The following CCND3 variants were observed in gnomAD, a reference collection of about 807,000 sequenced individuals.
CCND3 encodes the protein G1/S-specific cyclin-D3.
CCND3 carries 9 observed loss-of-function variants against 28.7 expected under a neutral mutation model. That is an observed-to-expected ratio of 0.31 (90% CI 0.19 to 0.55). The LOEUF (loss-of-function observed/expected upper bound fraction) is 0.55, where lower values mean the gene tolerates loss of function less well. Ranked by LOEUF, CCND3 falls within the 20% of genes least tolerant of loss-of-function variation. The probability of loss-of-function intolerance (pLI) is 0.93; values close to 1 mark genes in which losing one functional copy is unlikely to be tolerated. For missense variants in CCND3, 315 were observed against 385.8 expected (o/e 0.82, Z 1.54); for synonymous variants, 164 against 163.9 (o/e 1.00, Z 0.00).
At chr6:41,959,955 C>CA (rs35369393) in intron 1 of CCND3, among the ~76,000 whole-genome samples, 100,441 of 140,258 alleles carry the variant, frequency 0.72, 35,247 homozygotes, top group Middle Eastern at 0.8. Context: ...GACTCCGTCT[C>CA]AAAAAAAAAA....
intron 1 of CCND3, among the ~76,000 whole-genome samples, chr6:41,947,808 C>T (rs1776207573): frequency 6.6e-6 from 1 of 152,130 alleles, no homozygotes; most frequent in Admixed American, 6.6e-5. Flanking sequence ...ACCTGGATTA[C>T]AGTGGTAGCC....
At position 41,941,199 on chromosome 6, in the gene CCND3, C is replaced by T; in HGVS notation, c.198+253G>A. On this transcript the variant is annotated intron_variant, in intron 1 of 4. Coordinates refer to ENST00000372991, the MANE Select transcript of CCND3 (RefSeq NM_001760.5). This position sits in a 1 kb window ranked among gnomAD's most constrained non-coding sequence, Gnocchi z 6.1. ...GAAGGGGAGAGAGTGTCCTTGGTCC[C>T]GTTTGCTCGGCCCGAAGAGAGGCAC... is the stretch of plus-strand genomic sequence containing the variant. 2.1e-6 allele frequency: 3 copies of T among 1,437,522 alleles called. No homozygotes were observed. The highest frequency in any genetic ancestry group is 1.5e-5 in the South Asian group (1 of 67,540). 89.0% of individuals were successfully genotyped at this position (1,437,522 alleles called of 1,614,324 possible).
Position 41,936,193 on chromosome 6 carries a change from A to C in CCND3, c.712-86T>G. The C allele has an allele frequency of 1.4e-6, 2 of 1,422,894 alleles. No individual in the cohort carries two copies. The highest frequency in any genetic ancestry group is 1.9e-6 in the Non-Finnish European group (2 of 1,058,730). The allele number at this position is 1,422,894 out of a possible 1,614,324, so 88.1% of individuals were successfully genotyped here. On this transcript the variant is annotated intron_variant, in intron 4 of 4. Coordinates refer to ENST00000372991, the MANE Select transcript of CCND3 (RefSeq NM_001760.5). The surrounding 1 kb of genome is among the most constrained non-coding windows in gnomAD (Gnocchi z 4.4). Reference sequence around the variant, plus strand: ...GCAGGGGAAGGACAGCTCCCAACACATGGGGAAGTCTGGGGAGGTTAGGCC... The same window carrying C: ...GCAGGGGAAGGACAGCTCCCAACACCTGGGGAAGTCTGGGGAGGTTAGGCC...
chr6:42,028,038 C>T (rs1012929876), intron 1 of CCND3, among the ~76,000 whole-genome samples: 6 of 152,192 alleles, frequency 3.9e-5, no homozygotes, highest in African/African-American at 7.2e-5. Flanking sequence ...TGAGACACCA[C>T]GCCCGGCCGC....
At chr6:42,033,626 T>C (rs1764109701) in intron 1 of CCND3, among the ~76,000 whole-genome samples, 1 of 151,672 alleles carries the variant, frequency 6.6e-6, no homozygotes, top group Admixed American at 6.6e-5. Flanking sequence ...GGCGGGCAGA[T>C]CACCTGAGAT....
chr6:42,020,907 ATGCCC>A (rs1763692737), intron 1 of CCND3, among the ~76,000 whole-genome samples: 1 of 152,154 alleles, frequency 6.6e-6, no homozygotes, highest in African/African-American at 2.4e-5. Flanking sequence ...ACGTGCCACC[ATGCCC>A]GGCTAATTTT....
chr6:41,994,635 C>A (rs1001988549), intron 1 of CCND3, among the ~76,000 whole-genome samples: 1 of 152,100 alleles, frequency 6.6e-6, no homozygotes, highest in African/African-American at 2.4e-5. Context: ...AATATATCAA[C>A]GTAGGTTCAT....
intron 1 of CCND3, among the ~76,000 whole-genome samples, chr6:42,039,534 C>G (rs1764309999): frequency 6.6e-6 from 1 of 152,224 alleles, no homozygotes; most frequent in East Asian, 1.9e-4. Context: ...TGAACCACCC[C>G]CTCCAGACTT....
intron 1 of CCND3, among the ~76,000 whole-genome samples, chr6:41,947,117 A>G (rs1374565829): frequency 2.6e-5 from 4 of 151,980 alleles, no homozygotes; most frequent in African/African-American, 9.7e-5. Context: ...GCTACTCAGG[A>G]GGCTGAGGAA....
intron 1 of CCND3, among the ~76,000 whole-genome samples, chr6:41,967,593 C>T (rs1026674443): frequency 4.6e-5 from 7 of 152,146 alleles, no homozygotes; most frequent in African/African-American, 1.7e-4. Context: ...TCAACGCTTC[C>T]GGGTAGAGCC....
intron 1 of CCND3, among the ~76,000 whole-genome samples, chr6:41,962,761 T>TA (rs57272896): frequency 0.016 from 2,362 of 150,684 alleles, 70 homozygotes; most frequent in African/African-American, 0.055. Context: ...AAAAAATAAT[T>TA]TTTTTTTGAG....
intron 1 of CCND3, among the ~76,000 whole-genome samples, chr6:41,999,012 T>C (rs1158708245): frequency 6.6e-6 from 1 of 152,014 alleles, no homozygotes; most frequent in African/African-American, 2.4e-5. Flanking sequence ...ACTTCCTTAA[T>C]CTAAAACCCA....
intron 1 of CCND3, among the ~76,000 whole-genome samples, chr6:41,979,272 A>G (rs4554312): frequency 0.99 from 150,130 of 151,586 alleles, 74,356 homozygotes; most frequent in Middle Eastern, 1. Flanking sequence ...AGTGGCTCAC[A>G]CCTGTAATCC....
At chr6:41,978,857 G>GA (rs1264739163) in intron 1 of CCND3, among the ~76,000 whole-genome samples, 1 of 152,024 alleles carries the variant, frequency 6.6e-6, no homozygotes, top group African/African-American at 2.4e-5. Context: ...GGAAAAAAGT[G>GA]AAAAAAATTT....
At chr6:41,990,234 C>T (rs145189767) in intron 1 of CCND3, among the ~76,000 whole-genome samples, 2,644 of 151,512 alleles carry the variant, frequency 0.017, 53 homozygotes, top group South Asian at 0.072. Context: ...ATAAATTTTA[C>T]CAAGGAGGTG....
In CCND3 at chr6:41,941,346, C is replaced by A; in HGVS notation, c.198+106G>T. 6.6e-7 allele frequency: 1 copy of A among 1,520,508 alleles called. No individual in the cohort carries two copies. 94.2% of individuals were successfully genotyped at this position (1,520,508 alleles called of 1,614,324 possible). On this transcript the variant is annotated intron_variant, in intron 1 of 4. Transcript: ENST00000372991. The surrounding 1 kb of genome is among the most constrained non-coding windows in gnomAD (Gnocchi z 6.1). ...GGCCAGGCCCCGGGAGTCTTAGCCT[C>A]GGAGCATCCTGCAGATTGCTGTGGG...
chr6:42,044,504 G>A (rs1764471362), intron 1 of CCND3, among the ~76,000 whole-genome samples: 1 of 152,170 alleles, frequency 6.6e-6, no homozygotes, highest in Non-Finnish European at 1.5e-5. Flanking sequence ...ACAGGCGAAG[G>A]GGCTTTGAGG....
At chr6:41,958,548 T>C (rs933980920) in intron 1 of CCND3, among the ~76,000 whole-genome samples, 1 of 152,172 alleles carries the variant, frequency 6.6e-6, no homozygotes, top group Non-Finnish European at 1.5e-5. Context: ...TTCTTTTCTC[T>C]TAAAGAGAAT....
At chr6:41,983,761 G>A (rs530910438) in intron 1 of CCND3, among the ~76,000 whole-genome samples, 2 of 152,158 alleles carry the variant, frequency 1.3e-5, no homozygotes, top group African/African-American at 2.4e-5. Context: ...TAGGAGGATC[G>A]CTTGAGCCTG....
Sources: gnomAD v4.1 joint callset for allele counts (sites outside exome capture counted in the v4.1 genomes callset) on GRCh38, gnomAD v4.1.1 for gene constraint, Gnocchi (gnomAD v3.1) non-coding constraint, MANE v1.5 for transcripts, NCBI Gene and HGNC (gene_info 2026-07-23, HGNC 2026-07-21) for gene names.